Variants in CTNNBL1 observed in about 807,000 individuals in gnomAD.
CTNNBL1 encodes beta-catenin-like protein 1.
In CTNNBL1, 31 loss-of-function variants were observed where a neutral mutation model predicts 72.7. The observed-to-expected ratio is 0.43, with a 90% CI of 0.32 to 0.58. The LOEUF is 0.58. Ranked by LOEUF, CTNNBL1 falls within the 20% of genes least tolerant of loss-of-function variation. The pLI is 0.08. For missense variants in CTNNBL1, 534 were observed against 725.1 expected, an observed-to-expected ratio of 0.74 and a Z score of 3.03; for synonymous variants, 240 against 267.3, an observed-to-expected ratio of 0.90 and a Z score of 1.00.
intron 11 of CTNNBL1, among the ~76,000 whole-genome samples, chr20:37,816,079 G>T (rs2072055897): frequency 6.6e-6 from 1 of 152,194 alleles, no homozygotes; most frequent in African/African-American, 2.4e-5. Context: ...GATTTTGCTT[G>T]TGGGTGTCCA....
At chr20:37,751,751 A>G (rs1230990253) in intron 4 of CTNNBL1, 1 of 152,198 alleles carries the variant, frequency 6.6e-6, no homozygotes, top group Non-Finnish European at 1.5e-5. Context: ...TGAGCCCCCT[A>G]AGGGGCTTTC....
At chr20:37,815,315 C>CT (rs778453405) in intron 11 of CTNNBL1, among the ~76,000 whole-genome samples, 169 of 139,022 alleles carry the variant, frequency 1.2e-3, no homozygotes, top group South Asian at 1.8e-3. Context: ...TTGGCTCCTC[C>CT]TTTTTTTTTT....
chr20:37,866,471 T>C (rs1000533388), intron 15 of CTNNBL1, among the ~76,000 whole-genome samples: 1 of 152,198 alleles, frequency 6.6e-6, no homozygotes, highest in African/African-American at 2.4e-5. Context: ...ATCTGTAAGA[T>C]GGGGAGAACC....
intron 11 of CTNNBL1, among the ~76,000 whole-genome samples, chr20:37,805,909 G>A (rs2071955986): frequency 2.0e-5 from 3 of 152,206 alleles, no homozygotes; most frequent in African/African-American, 4.8e-5. Flanking sequence ...TTTCTTGACT[G>A]TGTGAATGAA....
intron 5 of CTNNBL1, among the ~76,000 whole-genome samples, chr20:37,762,445 A>G (rs1009755133): frequency 1.3e-5 from 2 of 152,082 alleles, no homozygotes; most frequent in African/African-American, 4.8e-5. Context: ...GTGGAAGATG[A>G]TGTGTGATCA....
intron 10 of CTNNBL1, among the ~76,000 whole-genome samples, chr20:37,802,037 G>A (rs888955461): frequency 6.6e-6 from 1 of 152,198 alleles, no homozygotes; most frequent in Non-Finnish European, 1.5e-5. Flanking sequence ...TATACGCTTG[G>A]AGTGAGCAAT....
rs717599 is a variant in CTNNBL1, at chr20:37,871,911, C to A, written c.1604-14C>A. The A allele has an allele frequency of 0.37, 597,748 of 1,610,764 alleles. 114,911 individuals are homozygous for A. Among genetic ancestry groups the A allele is most frequent in the South Asian group, 0.42 (38,441 of 91,004 alleles). ...GCCTGGGATCCACTCCTGACTCTATCTTTGTCCCCCTAGAGTATGCAGAGA... is the reference window on the plus strand; with the variant it reads ...GCCTGGGATCCACTCCTGACTCTATATTTGTCCCCCTAGAGTATGCAGAGA... On this transcript the variant is annotated splice_polypyrimidine_tract_variant and intron_variant, in intron 15 of 15. Transcript: ENST00000361383.
intron 13 of CTNNBL1, among the ~76,000 whole-genome samples, chr20:37,854,052 A>C (rs2072418396): frequency 6.6e-6 from 1 of 152,226 alleles, no homozygotes; most frequent in Non-Finnish European, 1.5e-5. Context: ...CGTATCTCAG[A>C]TCTACATTTG....
At chr20:37,698,751 A>G (rs1352634626) in intron 1 of CTNNBL1, among the ~76,000 whole-genome samples, 1 of 152,218 alleles carries the variant, frequency 6.6e-6, no homozygotes, top group African/African-American at 2.4e-5. Flanking sequence ...TTATGGATGC[A>G]AAAGTTCTTT....
intron 3 of CTNNBL1, among the ~76,000 whole-genome samples, chr20:37,743,099 C>T (rs572689835): frequency 9.9e-5 from 15 of 151,876 alleles, no homozygotes; most frequent in Non-Finnish European, 1.6e-4. Flanking sequence ...CCACCACGTT[C>T]GCTGTCGATC....
At chr20:37,827,849 CTG>C (rs1451457333) in intron 11 of CTNNBL1, among the ~76,000 whole-genome samples, 1 of 152,196 alleles carries the variant, frequency 6.6e-6, no homozygotes, top group Admixed American at 6.5e-5. Flanking sequence ...AGTCCAGACT[CTG>C]TAGTTGAGTG....
chr20:37,831,598 C>T (rs1446307648), intron 11 of CTNNBL1, among the ~76,000 whole-genome samples: 2 of 152,138 alleles, frequency 1.3e-5, no homozygotes, highest in African/African-American at 4.8e-5. Flanking sequence ...GATCTCCTAA[C>T]CTTGTGATCT....
chr20:37,835,927 T>C (rs1014217372), intron 11 of CTNNBL1, among the ~76,000 whole-genome samples: 4 of 152,230 alleles, frequency 2.6e-5, no homozygotes, highest in Non-Finnish European at 5.9e-5. Context: ...ACAAGGTACC[T>C]TGTAGTTTTT....
At position 37,742,347 on chromosome 20, in the gene CTNNBL1, G is replaced by T. The variant is rs568054075; in HGVS notation, c.327-4121G>T. Among the ~76,000 whole-genome samples, 5 of 152,304 alleles carry T rather than the reference G, an allele frequency of 3.3e-5. No homozygotes were observed. The South Asian group carries it at 6.2e-4, about 19-fold the overall frequency. ...ATTTACAGGCATCTCCCAAGTTTCT[G>T]TGTTGGACCAAGGCCTGCGTCAGGT... is the stretch of plus-strand genomic sequence containing the variant. On this transcript the variant is annotated intron_variant, in intron 3 of 15. Transcript: ENST00000361383.
chr20:37,864,465 C>T (rs555072938), intron 15 of CTNNBL1, among the ~76,000 whole-genome samples: 5 of 152,218 alleles, frequency 3.3e-5, no homozygotes, highest in South Asian at 2.1e-4. Context: ...GGACTTTTCC[C>T]GTTATTTTTC....
At chr20:37,711,354 T>G (rs1483153813) in intron 1 of CTNNBL1, among the ~76,000 whole-genome samples, 1 of 152,008 alleles carries the variant, frequency 6.6e-6, no homozygotes, top group Non-Finnish European at 1.5e-5. Context: ...ATCCAGATTT[T>G]GGGGCGGTTA....
chr20:37,833,475 G>A (rs569093021), intron 11 of CTNNBL1, among the ~76,000 whole-genome samples: 22 of 152,268 alleles, frequency 1.4e-4, no homozygotes, highest in African/African-American at 5.1e-4. Context: ...GCTCTGTAAC[G>A]CTCCACCTAG....
At chr20:37,745,074 C>T (rs2073250938) in intron 3 of CTNNBL1, among the ~76,000 whole-genome samples, 1 of 152,056 alleles carries the variant, frequency 6.6e-6, no homozygotes, top group Non-Finnish European at 1.5e-5. Context: ...GCTTTTCTTT[C>T]TCCGGTTTTC....
chr20:37,759,268 C>T (rs1178378326), intron 5 of CTNNBL1, among the ~76,000 whole-genome samples: 1 of 152,112 alleles, frequency 6.6e-6, no homozygotes, highest in East Asian at 1.9e-4. Context: ...GGCACTTGCT[C>T]CTACTCTGTG....
Sources: allele counts gnomAD v4.1 joint callset (sites outside exome capture counted in the v4.1 genomes callset), GRCh38; gene constraint gnomAD v4.1.1; transcripts MANE v1.5; gene names NCBI Gene and HGNC (gene_info 2026-07-23, HGNC 2026-07-21).